Variants in DHRS4L2 observed in about 807,000 individuals in gnomAD.
DHRS4L2 encodes the protein dehydrogenase/reductase SDR family member 4-like 2.
In DHRS4L2, 22 loss-of-function variants were observed where a neutral mutation model predicts 23.9. The ratio of observed to expected loss-of-function variants is 0.92; its 90% CI spans 0.66 to 1.31. The LOEUF is 1.31. Among genes scored for constraint, DHRS4L2 ranks in the 40% most tolerant of loss-of-function variants. The pLI, the probability that DHRS4L2 is intolerant of heterozygous loss-of-function variation, is 0.00. For synonymous variants in DHRS4L2, 141 were observed against 123.7 expected (o/e 1.14, Z -0.93); for missense variants, 385 against 303.3 (o/e 1.27, Z -2.00).
chr14:24,001,849 G>C (rs1273560182), intron 6 of DHRS4L2, among the ~76,000 whole-genome samples: 1 of 104,218 alleles, frequency 9.6e-6, no homozygotes, highest in Non-Finnish European at 1.7e-5. Context: ...AGAGCTGGGA[G>C]CTAGAAAAAA....
At chr14:23,982,229 A>G (rs12587991) in intron 1 of DHRS4L2, among the ~76,000 whole-genome samples, 10,200 of 151,654 alleles carry the variant, frequency 0.067, 632 homozygotes, top group East Asian at 0.2. Flanking sequence ...ATTGAGACTG[A>G]AGAATGGTGA....
intron 1 of DHRS4L2, among the ~76,000 whole-genome samples, chr14:23,981,443 GA>G (rs1373742025): frequency 6.6e-6 from 1 of 151,480 alleles, no homozygotes. Context: ...CACAAAATTG[GA>G]AAAAACTACT....
At chr14:23,976,303 C>G (rs1365681092) in intron 1 of DHRS4L2, among the ~76,000 whole-genome samples, 4 of 151,720 alleles carry the variant, frequency 2.6e-5, no homozygotes. Context: ...AAAGTATGAA[C>G]AGAAACTTCT....
intron 3 of DHRS4L2, among the ~76,000 whole-genome samples, chr14:23,998,350 A>C (rs2034423444): frequency 6.6e-6 from 1 of 151,546 alleles, no homozygotes; most frequent in Non-Finnish European, 1.5e-5. Context: ...AGCCCCTAAC[A>C]AGAGAATAAG....
chr14:23,984,212 G>A (rs574710219), upstream of DHRS4L2, among the ~76,000 whole-genome samples: 31 of 151,600 alleles, frequency 2.0e-4, 1 homozygote, highest in African/African-American at 7.2e-4. Flanking sequence ...ACAAAGCCAA[G>A]AGCTGTATGG....
intron 1 of DHRS4L2, among the ~76,000 whole-genome samples, chr14:23,975,706 C>G (rs1031897158): frequency 6.6e-6 from 1 of 151,794 alleles, no homozygotes; most frequent in African/African-American, 2.4e-5. Flanking sequence ...GTAACCAAAA[C>G]AGCATGGTAC....
At chr14:23,972,184 C>T (rs935182063) in intron 1 of DHRS4L2, among the ~76,000 whole-genome samples, 6 of 152,028 alleles carry the variant, frequency 3.9e-5, no homozygotes, top group Admixed American at 1.3e-4. Context: ...TGCGGACCCT[C>T]GCGGTGAGTG....
upstream of DHRS4L2, among the ~76,000 whole-genome samples, chr14:23,986,144 A>ACCAT (rs2034135406): frequency 6.6e-6 from 1 of 151,532 alleles, no homozygotes; most frequent in African/African-American, 2.4e-5. Flanking sequence ...GGCATGAGCC[A>ACCAT]CCATGCCCAC....
At chr14:23,972,684 C>G (rs1171075198) in intron 1 of DHRS4L2, among the ~76,000 whole-genome samples, 2 of 151,900 alleles carry the variant, frequency 1.3e-5, no homozygotes, top group Admixed American at 1.3e-4. Context: ...ACAGTGAGTC[C>G]AGGGGACCGG....
At chr14:23,973,571 G>C (rs1402538273) in intron 1 of DHRS4L2, among the ~76,000 whole-genome samples, 1 of 151,506 alleles carries the variant, frequency 6.6e-6, no homozygotes, top group East Asian at 1.9e-4. Context: ...CAAAACAAAT[G>C]GAAAGCAAAA....
intron 2 of DHRS4L2, among the ~76,000 whole-genome samples, chr14:23,992,796 C>T (rs2034297045): frequency 6.7e-6 from 1 of 148,728 alleles, no homozygotes; most frequent in Non-Finnish European, 1.5e-5. Context: ...AGCAATCCTC[C>T]CACCTCAGCC....
At position 24,006,004 on chromosome 14, in the gene DHRS4L2, C is replaced by G. The variant is rs2034570871; in HGVS notation, c.*141C>G. The G allele has an allele frequency of 6.2e-7, 1 of 1,605,512 alleles. No individual in the cohort carries two copies. The highest frequency in any genetic ancestry group is 8.5e-7 in the Non-Finnish European group (1 of 1,176,664). ...AGGAACCCCGTCCCGCCTCTGAGGA[C>G]CGGGAGACAGCCCACAGGCCAGAGT... On this transcript the variant is annotated 3_prime_UTR_variant, in exon 8 of 8. Transcript: ENST00000335125.
Position 23,989,089 on chromosome 14 carries a change from C to T in DHRS4L2, c.128+14C>T. ...CTCCACCGACGGGTGAGTGTTGGTG[C>T]CGGAGTTTCTGAGGCCCTGGCTGCC... is the stretch of plus-strand genomic sequence containing the variant. On this transcript the variant is annotated intron_variant, in intron 1 of 7. Coordinates refer to ENST00000335125, the MANE Select transcript of DHRS4L2 (RefSeq NM_198083.4). 3 of 1,559,992 alleles carry T rather than the reference C, an allele frequency of 1.9e-6. No homozygotes were observed. The highest frequency in any genetic ancestry group is 1.2e-5 in the South Asian group (1 of 84,738).
chr14:23,972,736 A>G (rs144841648), intron 1 of DHRS4L2, among the ~76,000 whole-genome samples: 3,859 of 144,584 alleles, frequency 0.027, 133 homozygotes, highest in African/African-American at 0.091. Flanking sequence ...CGGTCTCTGA[A>G]TTCCCTCAGT....
At chr14:23,986,855 A>C (rs570223441), upstream of DHRS4L2, among the ~76,000 whole-genome samples, 6 of 151,686 alleles carry the variant, frequency 4.0e-5, no homozygotes, top group South Asian at 1.3e-3. Flanking sequence ...CCCACAGTGC[A>C]TGAGCTCCAA....
chr14:23,976,873 A>T (rs1460043557), intron 1 of DHRS4L2, among the ~76,000 whole-genome samples: 2 of 151,976 alleles, frequency 1.3e-5, no homozygotes, highest in African/African-American at 4.8e-5. Flanking sequence ...CAAACGCTGC[A>T]TCTTCTCACT....
At chr14:23,969,964 T>C (rs1268496125) in exon 1 of DHRS4L2, 4 of 454,302 alleles carry the variant, frequency 8.8e-6, no homozygotes, top group South Asian at 6.2e-5. Context: ...CGCCACTGTC[T>C]GGAGCGGGCT....
Position 23,988,967 on chromosome 14 carries a change from T to G in DHRS4L2, c.20T>G (p.Leu7Arg), listed in dbSNP as rs1162543162. 14 of 1,612,164 alleles carry G rather than the reference T, an allele frequency of 8.7e-6. 1 individual carries two copies. The highest frequency in any genetic ancestry group is 3.3e-4 in the Middle Eastern group (2 of 6,058). ...TGATCCATGCAGATGGCCAGGCTGC[T>G]AGGCCTCTGTGCCTGGGCACGGAAG... MQMARL[L>R]GLCAWARKSV... The change falls in exon 1 of 8, where the codon CTA (leucine) becomes CGA (arginine). Residue 7 changes from leucine (L) to arginine (R), a missense_variant. Physicochemically the swap from Leu to Arg is moderately radical, Grantham distance 102. Transcript: ENST00000335125.
At position 24,001,161 on chromosome 14, in the gene DHRS4L2, G is replaced by C. The variant is rs1410633725; in HGVS notation, c.531+77G>C. Reference sequence around the variant, plus strand: ...TCCACCCCTCCTATTACCCAAAGAAGTTTGTGTCCCCTTGTAGAATCACAC... The same window carrying C: ...TCCACCCCTCCTATTACCCAAAGAACTTTGTGTCCCCTTGTAGAATCACAC... On this transcript the variant is annotated intron_variant, in intron 5 of 7. Transcript: ENST00000335125. 2.7e-5 allele frequency: 43 copies of C among 1,608,154 alleles called. 1 individual carries two copies. Among genetic ancestry groups the C allele is most frequent in the Admixed American group, 1.0e-4 (6 of 59,866 alleles).
Sources: gnomAD v4.1 joint callset for allele counts (sites outside exome capture counted in the v4.1 genomes callset) on GRCh38, gnomAD v4.1.1 for gene constraint, MANE v1.5 for transcripts, NCBI Gene and HGNC (gene_info 2026-07-23, HGNC 2026-07-21) for gene names.